SAMD4A: variants seen among roughly 807,000 people sequenced by gnomAD.
SAMD4A encodes the protein protein Smaug homolog 1.
Under a neutral mutation model 81.3 loss-of-function variants are expected in SAMD4A, and 33 were observed. That is an observed-to-expected ratio of 0.41 (90% CI 0.31 to 0.54). SAMD4A has a LOEUF of 0.54. Among genes scored for constraint, SAMD4A ranks in the 20% least tolerant of loss-of-function variants. The probability of loss-of-function intolerance (pLI) is 0.37; values close to 1 mark genes in which losing one functional copy is unlikely to be tolerated. For missense variants in SAMD4A, 854 were observed against 951.1 expected, an observed-to-expected ratio of 0.90 and a Z score of 1.34; for synonymous variants, 389 against 382.1, an observed-to-expected ratio of 1.02 and a Z score of -0.21.
rs569557803 is a variant in SAMD4A at position 54,644,977 on chromosome 14, T to TA, written c.197-57078dup. ...TCTGGTGATAGTGTACTCAAACTGT[T>TA]AAAAAAATAGTTATCTGAAATGGCG... is the stretch of plus-strand genomic sequence containing the variant. On this transcript the variant is annotated intron_variant, in intron 2 of 12. Transcript: ENST00000554335. Among the ~76,000 whole-genome samples the TA allele has an allele frequency of 1.8e-3, 268 of 152,220 alleles. 9 individuals are homozygous for TA. The highest frequency in any genetic ancestry group is 1.9e-3 in the Non-Finnish European group (131 of 68,020).
Position 54,791,736 on chromosome 14 carries a change from G to A in SAMD4A, c.*2792G>A, listed in dbSNP as rs1343567333. The A allele has an allele frequency of 6.6e-6, 1 of 151,968 alleles. No individual in the cohort carries two copies. The highest frequency in any genetic ancestry group is 2.4e-5 in the African/African-American group (1 of 41,340). 9.4% of individuals were successfully genotyped at this position (151,968 alleles called of 1,614,324 possible). On this transcript the variant is annotated 3_prime_UTR_variant, in exon 13 of 13. Coordinates refer to ENST00000554335, the MANE Select transcript of SAMD4A (RefSeq NM_015589.6). ...GTTTTGAGTCCTGTGTTGACTACAG[G>A]TATATAGCTCAATTTAAAAATCCTA...
rs1166488756 is a variant in SAMD4A, at chr14:54,687,728, G to T, written c.197-14334G>T. 2.0e-5 allele frequency among the ~76,000 whole-genome samples: 3 copies of T among 152,316 alleles called. 1 individual carries two copies. The South Asian group carries it at 6.2e-4, about 32-fold the overall frequency. ...CATGATTTGGGGCAAGTGTCTCTGC[G>T]CCTTGGTGTCCCCTAAGTGCCGTAT... On this transcript the variant is annotated intron_variant, in intron 2 of 12. Coordinates refer to ENST00000554335, the MANE Select transcript of SAMD4A (RefSeq NM_015589.6).
At chr14:54,594,827 C>T (rs918110973) in intron 2 of SAMD4A, among the ~76,000 whole-genome samples, 3 of 152,172 alleles carry the variant, frequency 2.0e-5, no homozygotes, top group Non-Finnish European at 1.5e-5. Context: ...ATTTAAGTGA[C>T]GGAAATATGC....
intron 2 of SAMD4A, among the ~76,000 whole-genome samples, chr14:54,623,554 A>C (rs111988633): frequency 6.7e-6 from 1 of 148,650 alleles, no homozygotes; most frequent in African/African-American, 2.5e-5. Flanking sequence ...CCAAAGTATT[A>C]ATTGTTGGCC....
intron 2 of SAMD4A, among the ~76,000 whole-genome samples, chr14:54,670,417 C>T (rs1379534492): frequency 2.6e-5 from 4 of 152,202 alleles, no homozygotes; most frequent in Non-Finnish European, 5.9e-5. Context: ...TTAACTCTTA[C>T]AGAAAGCGAA....
intron 3 of SAMD4A, among the ~76,000 whole-genome samples, chr14:54,718,917 C>T (rs537996916): frequency 4.5e-4 from 69 of 151,726 alleles, no homozygotes; most frequent in Non-Finnish European, 8.4e-4. Flanking sequence ...GCAGGAGAAT[C>T]GCTTGAACCC....
At chr14:54,705,928 T>G (rs2036839942) in intron 3 of SAMD4A, among the ~76,000 whole-genome samples, 1 of 152,230 alleles carries the variant, frequency 6.6e-6, no homozygotes, top group South Asian at 2.1e-4. Flanking sequence ...TATATAAAAG[T>G]GCAGTAAAAT....
rs1382350282 is a variant in SAMD4A at position 54,791,395 on chromosome 14, G to T, written c.*2451G>T. The T allele has an allele frequency of 2.0e-5, 3 of 152,172 alleles. No individual in the cohort carries two copies. Among genetic ancestry groups the T allele is most frequent in the African/African-American group, 7.2e-5 (3 of 41,436 alleles). The allele number at this position is 152,172 out of a possible 1,614,324, so 9.4% of individuals were successfully genotyped here. The stretch of plus-strand genomic sequence containing the variant: ...ATTGTGAACACAATCACATTCGCAT[G>T]AATCCTTTAAAAGGAAGAAGACCTT... On this transcript the variant is annotated 3_prime_UTR_variant, in exon 13 of 13. Coordinates refer to ENST00000554335, the MANE Select transcript of SAMD4A (RefSeq NM_015589.6).
chr14:54,673,348 C>T lies in SAMD4A; in HGVS notation c.197-28714C>T, dbSNP rs147201445. Among the ~76,000 whole-genome samples, 274 of 152,320 alleles carry T rather than the reference C, an allele frequency of 1.8e-3. 1 individual carries two copies. The highest frequency in any genetic ancestry group is 0.01 in the Middle Eastern group (3 of 294). On this transcript the variant is annotated intron_variant, in intron 2 of 12. Transcript: ENST00000554335. ...GAAAGAATGAGATCATATAAATAGT[C>T]CTGGCTCCTACCTTGCACCAAAAGT...
chr14:54,567,541 C>A lies in SAMD4A; in HGVS notation c.-376C>A, dbSNP rs938383436. On this transcript the variant is annotated 5_prime_UTR_variant, in exon 2 of 13. Transcript: ENST00000554335. ...TGCGGGCGTGAAGGGTCCGAGTTGCCGCCCAGCGGGGAGGAGACCCCAGGA... is the reference window on the plus strand; with the variant it reads ...TGCGGGCGTGAAGGGTCCGAGTTGCAGCCCAGCGGGGAGGAGACCCCAGGA... 8.1e-6 allele frequency: 2 copies of A among 246,540 alleles called. No homozygotes were observed. Among genetic ancestry groups the A allele is most frequent in the Non-Finnish European group, 1.6e-5 (2 of 127,458 alleles). 15.3% of individuals were successfully genotyped at this position (246,540 alleles called of 1,614,324 possible). A position where few individuals can be genotyped will look rare whatever the true frequency, so the allele number is the denominator to read the frequency against.
At chr14:54,661,750 C>T (rs1436672296) in intron 2 of SAMD4A, among the ~76,000 whole-genome samples, 1 of 152,116 alleles carries the variant, frequency 6.6e-6, no homozygotes, top group Non-Finnish European at 1.5e-5. Context: ...TGACTTGCCC[C>T]AAACCCATCC....
At chr14:54,699,724 A>G (rs2036664311) in intron 2 of SAMD4A, among the ~76,000 whole-genome samples, 3 of 152,172 alleles carry the variant, frequency 2.0e-5, no homozygotes, top group Admixed American at 2.0e-4. Context: ...AGTTTAGAAT[A>G]CCATATATGG....
chr14:54,651,955 T>C (rs1328565948), intron 2 of SAMD4A, among the ~76,000 whole-genome samples: 1 of 152,262 alleles, frequency 6.6e-6, no homozygotes, highest in Non-Finnish European at 1.5e-5. Flanking sequence ...TAATTTATCT[T>C]GCTCCTCTTT....
At chr14:54,581,402 C>T (rs1456984369) in intron 2 of SAMD4A, among the ~76,000 whole-genome samples, 3 of 152,226 alleles carry the variant, frequency 2.0e-5, no homozygotes, top group Non-Finnish European at 4.4e-5. Context: ...AACACCAGGC[C>T]CCTCTGGGCC....
intron 3 of SAMD4A, chr14:54,703,697 A>C (rs1008065647): frequency 6.6e-6 from 1 of 152,088 alleles, no homozygotes. Flanking sequence ...GTGAAACTCT[A>C]TCTCTACCAA....
intron 5 of SAMD4A, 47 bp downstream of exon 5, chr14:54,748,971 A>T: frequency 7.2e-7 from 1 of 1,381,980 alleles, no homozygotes; most frequent in African/African-American, 1.4e-5. Context: ...CCCAGGCAGG[A>T]CCTGAAGTTC....
At chr14:54,661,303 A>G (rs764518294) in intron 2 of SAMD4A, among the ~76,000 whole-genome samples, 12 of 152,174 alleles carry the variant, frequency 7.9e-5, no homozygotes, top group Non-Finnish European at 1.6e-4. Flanking sequence ...TCTTTTTCAT[A>G]CCTATATTTT....
At chr14:54,662,100 A>G (rs2035654666) in intron 2 of SAMD4A, among the ~76,000 whole-genome samples, 1 of 152,212 alleles carries the variant, frequency 6.6e-6, no homozygotes, top group African/African-American at 2.4e-5. Context: ...TACTGCAGCT[A>G]CATGTGGGAG....
intron 8 of SAMD4A, among the ~76,000 whole-genome samples, chr14:54,764,986 G>C (rs1170181532): frequency 1.3e-5 from 2 of 152,216 alleles, no homozygotes; most frequent in Non-Finnish European, 2.9e-5. Flanking sequence ...GTGTGTGTTT[G>C]GGCTTGCGAT....
Sources: allele counts gnomAD v4.1 joint callset (sites outside exome capture counted in the v4.1 genomes callset), GRCh38; gene constraint gnomAD v4.1.1; transcripts MANE v1.5; gene names NCBI Gene and HGNC (gene_info 2026-07-23, HGNC 2026-07-21).